Variants in SOX6 observed in about 807,000 individuals in gnomAD.
SOX6 encodes SRY-box transcription factor 6.
A neutral mutation model predicts 97.8 loss-of-function variants in SOX6; 11 were observed. The observed-to-expected ratio is 0.11, with a 90% CI of 0.07 to 0.19. SOX6 has a LOEUF of 0.19. Ranked by LOEUF, SOX6 falls within the 10% of genes least tolerant of loss-of-function variation. The probability of loss-of-function intolerance (pLI) is 1.00; values close to 1 mark genes in which losing one functional copy is unlikely to be tolerated. For synonymous variants in SOX6, 360 were observed against 371.4 expected, an observed-to-expected ratio of 0.97 and a Z score of 0.35; for missense variants, 810 against 1,039.5, an observed-to-expected ratio of 0.78 and a Z score of 3.04.
At chr11:16,674,627 G>A (rs926703209) in intron 3 of SOX6, among the ~76,000 whole-genome samples, 2 of 152,184 alleles carry the variant, frequency 1.3e-5, no homozygotes, top group African/African-American at 4.8e-5. Context: ...CAGCACTTTG[G>A]GAAGCCAAGG....
chr11:16,628,469 C>CA (rs1265744518), intron 3 of SOX6, among the ~76,000 whole-genome samples: 4 of 151,542 alleles, frequency 2.6e-5, no homozygotes, highest in Admixed American at 6.6e-5. Flanking sequence ...ACTAAAAATA[C>CA]AAAAAAATTA....
intron 3 of SOX6, among the ~76,000 whole-genome samples, chr11:16,247,679 A>G (rs899150928): frequency 6.6e-6 from 1 of 152,106 alleles, no homozygotes; most frequent in Non-Finnish European, 1.5e-5. Flanking sequence ...TAAACCACCT[A>G]CAATTACCTC....
At chr11:16,010,175 A>G (rs1199241940) in intron 13 of SOX6, among the ~76,000 whole-genome samples, 1 of 128,638 alleles carries the variant, frequency 7.8e-6, no homozygotes, top group Non-Finnish European at 1.7e-5. Context: ...CACACACACA[A>G]ATAAAGCTTC....
intron 12 of SOX6, among the ~76,000 whole-genome samples, chr11:16,027,777 C>T (rs574650070): frequency 2.0e-5 from 3 of 152,306 alleles, no homozygotes; most frequent in South Asian, 2.1e-4. Context: ...TGTGGGAACA[C>T]GTACATGCTC....
In SOX6 at chr11:16,605,078, G is replaced by T. The variant is rs1181350287; in HGVS notation, n.609+7003C>A. On this transcript the variant is annotated intron_variant and non_coding_transcript_variant, in intron 4 of 5. Coordinates refer to the SOX6 transcript ENST00000524520. The surrounding 1 kb of genome is among the most constrained non-coding windows in gnomAD (Gnocchi z 5.3). ...AAGCAGCTCCCGCGGGAGCGGCCGGGCTCGGGCTGGGTCCCGGGGCGGGTG... is the reference window on the plus strand; with the variant it reads ...AAGCAGCTCCCGCGGGAGCGGCCGGTCTCGGGCTGGGTCCCGGGGCGGGTG... Among the ~76,000 whole-genome samples the T allele has an allele frequency of 1.3e-5, 2 of 151,980 alleles. No individual in the cohort carries two copies. The highest frequency in any genetic ancestry group is 2.9e-5 in the Non-Finnish European group (2 of 67,968).
At chr11:16,290,795 C>G (rs1008333176) in intron 3 of SOX6, among the ~76,000 whole-genome samples, 1 of 152,076 alleles carries the variant, frequency 6.6e-6, no homozygotes. Flanking sequence ...CATTTTCAGG[C>G]AATTACCTTC....
At chr11:16,376,162 G>A (rs568384331) in intron 1 of SOX6, among the ~76,000 whole-genome samples, 1 of 152,126 alleles carries the variant, frequency 6.6e-6, no homozygotes, top group African/African-American at 2.4e-5. Context: ...ATGTATCCCA[G>A]AACTTAAAGT....
intron 4 of SOX6, among the ~76,000 whole-genome samples, chr11:16,597,557 C>T (rs990027683): frequency 1.3e-5 from 2 of 151,794 alleles, no homozygotes; most frequent in Admixed American, 1.3e-4. Context: ...GGTCTTCACA[C>T]ATATAGGTCT....
intron 6 of SOX6, among the ~76,000 whole-genome samples, chr11:16,177,862 G>A (rs1055655200): frequency 5.9e-5 from 9 of 151,922 alleles, no homozygotes; most frequent in African/African-American, 1.9e-4. Flanking sequence ...AAGAGGTAAG[G>A]CACTCTTCCA....
chr11:16,437,971 C>A (rs754403675), intron 1 of SOX6, among the ~76,000 whole-genome samples: 1 of 151,390 alleles, frequency 6.6e-6, no homozygotes, highest in Admixed American at 6.6e-5. Flanking sequence ...TTAACTATAG[C>A]CATCAATCAG....
intron 3 of SOX6, among the ~76,000 whole-genome samples, chr11:16,686,336 C>T (rs1847969280): frequency 6.6e-6 from 1 of 152,180 alleles, no homozygotes; most frequent in Admixed American, 6.5e-5. Context: ...AATATAAATT[C>T]CATCTTTAAG....
chr11:16,635,115 A>G (rs1416835604), intron 3 of SOX6, among the ~76,000 whole-genome samples: 1 of 152,240 alleles, frequency 6.6e-6, no homozygotes. Flanking sequence ...ATGGACTAAT[A>G]CAGTAAATTG....
At chr11:16,564,512 C>T (rs990821198) in intron 4 of SOX6, among the ~76,000 whole-genome samples, 2 of 152,130 alleles carry the variant, frequency 1.3e-5, no homozygotes, top group South Asian at 2.1e-4. Context: ...ACAGAATACA[C>T]ATCTTTTATG....
intron 3 of SOX6, among the ~76,000 whole-genome samples, chr11:16,615,463 C>G (rs558661215): frequency 3.3e-5 from 5 of 152,296 alleles, no homozygotes; most frequent in African/African-American, 1.2e-4. Context: ...GACTACAAAA[C>G]TGGAACACAA....
intron 6 of SOX6, among the ~76,000 whole-genome samples, chr11:16,154,787 G>A (rs1850555381): frequency 6.6e-6 from 1 of 152,052 alleles, no homozygotes; most frequent in South Asian, 2.1e-4. Flanking sequence ...CTAGCACACA[G>A]GCATCTATCT....
At chr11:16,274,531 A>G (rs1020097084) in intron 3 of SOX6, among the ~76,000 whole-genome samples, 5 of 152,194 alleles carry the variant, frequency 3.3e-5, no homozygotes, top group Non-Finnish European at 7.4e-5. Context: ...TAAAAGAAAA[A>G]CAACAATTAT....
chr11:16,191,209 C>T (rs1292575670), intron 4 of SOX6, among the ~76,000 whole-genome samples: 1 of 152,182 alleles, frequency 6.6e-6, no homozygotes, highest in African/African-American at 2.4e-5. Flanking sequence ...AATCCCAACA[C>T]TTTGAGAGGC....
chr11:16,111,838 C>T lies in SOX6; in HGVS notation c.863G>A (p.Gly288Glu), dbSNP rs1219915442. 4.3e-6 allele frequency: 7 copies of T among 1,612,902 alleles called. No homozygotes were observed. The highest frequency in any genetic ancestry group is 1.3e-5 in the African/African-American group (1 of 74,866). ...TLAAAAAAQQ[G>E]FLFPPGITYK... ...TGTTATTCCAGGGGGGAAGAGGAAT[C>T]CCTGTTGGGCAGCAGCAGCTGCTGC... Residue 288 changes from glycine to glutamate, a missense_variant, in exon 7 of 16, where the codon GGA (glycine) becomes GAA (glutamate). By Grantham distance (98) the Gly-to-Glu change is moderately conservative (BLOSUM62 -2). Transcript: ENST00000683767.
intron 6 of SOX6, among the ~76,000 whole-genome samples, chr11:16,139,532 A>G (rs1321455128): frequency 6.6e-6 from 1 of 152,176 alleles, no homozygotes; most frequent in Non-Finnish European, 1.5e-5. Flanking sequence ...ATATGGACAC[A>G]GGTTACCCCT....
Sources: gnomAD v4.1 joint callset for allele counts (sites outside exome capture counted in the v4.1 genomes callset) on GRCh38, gnomAD v4.1.1 for gene constraint, Gnocchi (gnomAD v3.1) non-coding constraint, MANE v1.5 for transcripts, NCBI Gene and HGNC (gene_info 2026-07-23, HGNC 2026-07-21) for gene names.